Variants in ZNF469 observed in about 807,000 individuals in gnomAD.
ZNF469 encodes zinc finger protein 469.
ZNF469 carries 1 observed loss-of-function variant against 1.0 expected under a neutral mutation model. That is an observed-to-expected ratio of 1.00 (90% CI 0.35 to 4.73). The LOEUF (loss-of-function observed/expected upper bound fraction) is 4.73. Among genes scored for constraint, ZNF469 ranks in the 30% most tolerant of loss-of-function variants. ZNF469 has a pLI of 0.16. For missense variants in ZNF469, 6,100 were observed against 5,356.3 expected (o/e 1.14, Z -4.33); for synonymous variants, 2,703 against 2,363.4 (o/e 1.14, Z -4.17).
At chr16:88,204,101 T>G in the ZNF469 span, among the ~76,000 whole-genome samples, 1 of 124,530 alleles carries the variant, frequency 8.0e-6, no homozygotes, top group African/African-American at 3.5e-5. Context: ...CAGCCGGAGG[T>G]GCCCCGTAAC....
At chr16:88,181,219 C>T in the ZNF469 span, among the ~76,000 whole-genome samples, 6 of 152,070 alleles carry the variant, frequency 3.9e-5, no homozygotes, top group Non-Finnish European at 5.9e-5. Flanking sequence ...TACAGGCGCC[C>T]GCCACCACGC....
At chr16:88,283,286 C>G in the ZNF469 span, among the ~76,000 whole-genome samples, 1 of 149,628 alleles carries the variant, frequency 6.7e-6, no homozygotes. Flanking sequence ...GTGATGTGCA[C>G]ATTTTAACTA....
chr16:88,117,193 T>C, the ZNF469 span, among the ~76,000 whole-genome samples: 3 of 99,480 alleles, frequency 3.0e-5, no homozygotes, highest in South Asian at 3.4e-4. Context: ...GCCGGGGATG[T>C]GTGAGGGCCG....
At chr16:88,267,101 T>G in the ZNF469 span, among the ~76,000 whole-genome samples, 1 of 152,226 alleles carries the variant, frequency 6.6e-6, no homozygotes, top group East Asian at 1.9e-4. Context: ...TCTATCTGCC[T>G]TCTCCCTGCG....
the ZNF469 span, among the ~76,000 whole-genome samples, chr16:88,262,995 C>T: frequency 6.6e-6 from 1 of 152,206 alleles, no homozygotes; most frequent in Non-Finnish European, 1.5e-5. The surrounding 1 kb of genome is among the most constrained non-coding windows in gnomAD (Gnocchi z 4.3). Context: ...AGCTGGGGAT[C>T]GTTCGCAGAA....
the ZNF469 span, among the ~76,000 whole-genome samples, chr16:88,253,354 T>C: frequency 1.3e-5 from 2 of 152,154 alleles, no homozygotes; most frequent in African/African-American, 4.8e-5. Flanking sequence ...TTACCTACAC[T>C]TGGGCTTGTC....
At position 88,437,907 on chromosome 16, in the gene ZNF469, G is replaced by A. The variant is rs534158007; in HGVS notation, c.10437G>A (p.Met3479Ile). Residue 3479 changes from methionine to isoleucine, a missense_variant, in exon 3 of 3, where the codon ATG (methionine) becomes ATA (isoleucine). Transcript: ENST00000565624. ...TLPSKRRRVA[M>I]PGSAPGPGED... ...CCAGCAAACGGCGCAGGGTGGCCAT[G>A]CCCGGCAGTGCCCCTGGGCCCGGCG... is the stretch of plus-strand genomic sequence containing the variant. 74 of 1,539,696 alleles carry A rather than the reference G, an allele frequency of 4.8e-5. No individual in the cohort carries two copies. In the African/African-American group the frequency reaches 7.8e-4, roughly 16 times the overall value.
At chr16:88,166,039 C>A in the ZNF469 span, among the ~76,000 whole-genome samples, 2 of 152,272 alleles carry the variant, frequency 1.3e-5, no homozygotes, top group African/African-American at 4.8e-5. This position sits in a 1 kb window ranked among gnomAD's most constrained non-coding sequence, Gnocchi z 4.5. Flanking sequence ...CCAGGGGCCA[C>A]TGAGGCCCAC....
the ZNF469 span, among the ~76,000 whole-genome samples, chr16:88,293,740 C>A: frequency 6.6e-6 from 1 of 152,162 alleles, no homozygotes; most frequent in Admixed American, 6.5e-5. Context: ...GGGAGACCAG[C>A]ACTAAATAAA....
chr16:88,410,575 A>G (rs1905129533), intron 1 of ZNF469, among the ~76,000 whole-genome samples: 1 of 149,120 alleles, frequency 6.7e-6, no homozygotes, highest in Non-Finnish European at 1.5e-5. Flanking sequence ...GATGCTGTTG[A>G]TGGTGCAGGT....
At chr16:88,118,773 TTAAC>T in the ZNF469 span, among the ~76,000 whole-genome samples, 1 of 152,212 alleles carries the variant, frequency 6.6e-6, no homozygotes, top group African/African-American at 2.4e-5. Context: ...ATTTAACTCA[TTAAC>T]TAATGCAGGC....
intron 1 of ZNF469, among the ~76,000 whole-genome samples, chr16:88,401,980 G>T (rs1303509279): frequency 8.1e-6 from 1 of 123,210 alleles, no homozygotes; most frequent in Admixed American, 7.8e-5. Context: ...GGATAGATAC[G>T]TGGGTGGATG....
the ZNF469 span, among the ~76,000 whole-genome samples, chr16:88,114,917 T>G: frequency 6.6e-6 from 1 of 151,822 alleles, no homozygotes; most frequent in African/African-American, 2.4e-5. Flanking sequence ...CGAAAATGTC[T>G]TCTCAGTCTG....
the ZNF469 span, among the ~76,000 whole-genome samples, chr16:88,183,575 G>T: frequency 6.6e-6 from 1 of 152,188 alleles, no homozygotes; most frequent in South Asian, 2.1e-4. Flanking sequence ...TCTGGAGGAC[G>T]CAAAGCTGTA....
chr16:88,261,735 C>T, the ZNF469 span, among the ~76,000 whole-genome samples: 2 of 152,176 alleles, frequency 1.3e-5, no homozygotes, highest in East Asian at 1.9e-4. This position sits in a 1 kb window ranked among gnomAD's most constrained non-coding sequence, Gnocchi z 6.0. Flanking sequence ...AGGTCTGTCT[C>T]GGGTGGGGGC....
chr16:88,262,213 C>T, the ZNF469 span, among the ~76,000 whole-genome samples: 7 of 152,156 alleles, frequency 4.6e-5, no homozygotes, highest in Non-Finnish European at 1.0e-4. This position sits in a 1 kb window ranked among gnomAD's most constrained non-coding sequence, Gnocchi z 4.3. Context: ...TTTTCCATCC[C>T]GGTGGTAGCA....
chr16:88,179,846 G>T, the ZNF469 span, among the ~76,000 whole-genome samples: 2 of 152,250 alleles, frequency 1.3e-5, no homozygotes, highest in Non-Finnish European at 2.9e-5. Flanking sequence ...AAGCAAATCT[G>T]TGGTAACAAC....
chr16:88,418,011 G>A (rs1028740989), intron 1 of ZNF469, among the ~76,000 whole-genome samples: 3 of 150,244 alleles, frequency 2.0e-5, no homozygotes, highest in Non-Finnish European at 4.4e-5. Flanking sequence ...CAGCCCACCC[G>A]AATTGGTCCC....
chr16:88,265,206 C>T, the ZNF469 span, among the ~76,000 whole-genome samples: 1 of 152,198 alleles, frequency 6.6e-6, no homozygotes, highest in African/African-American at 2.4e-5. Context: ...AGTGAGTCAC[C>T]GGCTGCTTCA....
Sources: gnomAD v4.1 joint callset for allele counts (sites outside exome capture counted in the v4.1 genomes callset) on GRCh38, gnomAD v4.1.1 for gene constraint, Gnocchi (gnomAD v3.1) non-coding constraint, MANE v1.5 for transcripts, NCBI Gene and HGNC (gene_info 2026-07-23, HGNC 2026-07-21) for gene names.